Variants in PARG observed in about 807,000 individuals in gnomAD.
PARG encodes the protein mitochondrial poly(ADP-ribose) glycohydrolase.
Under a neutral mutation model 113.0 loss-of-function variants are expected in PARG, and 35 were observed. The ratio of observed to expected loss-of-function variants is 0.31; its 90% CI spans 0.24 to 0.41. PARG has a LOEUF of 0.41. Among genes scored for constraint, PARG ranks in the 10% least tolerant of loss-of-function variants. The pLI is 1.00. For missense variants in PARG, 797 were observed against 1,169.4 expected (o/e 0.68, Z 4.64); for synonymous variants, 330 against 409.9 (o/e 0.81, Z 2.36).
rs541348216 is a variant in PARG, at chr10:49,868,255, G to C, written c.2068+1221C>G. ...ACCCACCTTGGCCTCCCAAAGTGCT[G>C]GGATTACAGGCGTGAGCCACCGTGC... On this transcript the variant is annotated intron_variant, in intron 10 of 17. Coordinates refer to ENST00000616448, the MANE Select transcript of PARG (RefSeq NM_003631.5). 7.9e-5 allele frequency among the ~76,000 whole-genome samples: 12 copies of C among 152,290 alleles called. No individual in the cohort carries two copies. The South Asian group carries it at 2.5e-3, about 32-fold the overall frequency.
Position 49,832,941 on chromosome 10 carries a change from G to A in PARG, c.2542-33C>T, listed in dbSNP as rs568453398. 10 of 1,119,006 alleles carry A rather than the reference G, an allele frequency of 8.9e-6. No individual in the cohort carries two copies. The African/African-American group carries it at 1.4e-4, about 16-fold the overall frequency. 69.3% of individuals were successfully genotyped at this position (1,119,006 alleles called of 1,614,324 possible). A position where few individuals can be genotyped will look rare whatever the true frequency, so the allele number is the denominator to read the frequency against. On this transcript the variant is annotated intron_variant, in intron 15 of 17. Transcript: ENST00000616448. ...ATAAAAGAATTATCAAAGCCTGTGA[G>A]TGCCTAGACACTAACAGTGTTTCTG...
Position 49,933,475 on chromosome 10 carries a change from C to G in PARG, c.973G>C (p.Gly325Arg), listed in dbSNP as rs1838588687. ...DSEADEETSP[G>R]FDEQEDGSSS... Reference sequence around the variant, plus strand: ...CTACCATCTTCTTGTTCATCAAAACCTGGACTTGTCTCCTCATCTGCTTCT... The same window carrying G: ...CTACCATCTTCTTGTTCATCAAAACGTGGACTTGTCTCCTCATCTGCTTCT... The change falls in exon 3 of 18, where the codon GGT becomes CGT. Residue 325 changes from glycine to arginine, a missense_variant. By Grantham distance (125) the Gly-to-Arg change is moderately radical (BLOSUM62 -2). Coordinates refer to ENST00000616448, the MANE Select transcript of PARG (RefSeq NM_003631.5). 1.2e-6 allele frequency: 2 copies of G among 1,610,720 alleles called. No homozygotes were observed. The highest frequency in any genetic ancestry group is 3.3e-5 in the Admixed American group (2 of 59,986).
At chr10:49,832,317 C>T (rs6537553) in intron 16 of PARG, among the ~76,000 whole-genome samples, 14,390 of 152,278 alleles carry the variant, frequency 0.094, 1,133 homozygotes, top group East Asian at 0.32. Context: ...TGTACTGCAT[C>T]GGTCTCATAC....
At chr10:49,859,782 A>T (rs1378690373) in intron 12 of PARG, among the ~76,000 whole-genome samples, 3 of 152,238 alleles carry the variant, frequency 2.0e-5, no homozygotes, top group Non-Finnish European at 2.9e-5. Context: ...AAGACACTAA[A>T]CTCAGTATGC....
At chr10:49,926,809 T>C (rs1838189383) in intron 4 of PARG, among the ~76,000 whole-genome samples, 1 of 152,258 alleles carries the variant, frequency 6.6e-6, no homozygotes, top group South Asian at 2.1e-4. Context: ...TCTGCTTTCC[T>C]AGAATATATC....
intron 15 of PARG, among the ~76,000 whole-genome samples, chr10:49,841,327 C>A (rs1845227288): frequency 1.3e-5 from 2 of 152,148 alleles, no homozygotes; most frequent in South Asian, 4.1e-4. Context: ...AAGAAAATCT[C>A]TGCTGTTTTG....
intron 16 of PARG, among the ~76,000 whole-genome samples, chr10:49,827,508 C>A (rs1215489761): frequency 1.3e-5 from 2 of 152,154 alleles, no homozygotes; most frequent in African/African-American, 4.8e-5. Context: ...TTCCTCATCC[C>A]TCTTTTCCGC....
In PARG at chr10:49,869,485, T is replaced by C; in HGVS notation, c.2059A>G (p.Thr687Ala). 2 of 802,604 alleles carry C rather than the reference T, an allele frequency of 2.5e-6. No individual in the cohort carries two copies. The highest frequency in any genetic ancestry group is 1.5e-5 in the South Asian group (1 of 68,656). The allele number at this position is 802,604 out of a possible 1,614,324, so 49.7% of individuals were successfully genotyped here. The change falls in exon 10 of 18, where the codon ACA becomes GCA. Residue 687 changes from threonine to alanine, a missense_variant. Physicochemically the swap from Thr to Ala is moderately conservative, Grantham distance 58 (BLOSUM62 0). This residue lies in a region of PARG where 40 missense variants were observed against 124.5 expected (regional missense o/e 0.32). Transcript: ENST00000616448. ...KTLFCYFRRV[T>A]EKKPTGLVTF... is the part of the protein sequence containing the mutation. ...AATGAAAGGAATTTACTTTTCTCTG[T>C]GACTCTTCTAAAGTAGCAGAAGAGC...
At chr10:49,895,069 A>T (rs1365515147) in intron 7 of PARG, among the ~76,000 whole-genome samples, 2 of 152,096 alleles carry the variant, frequency 1.3e-5, no homozygotes, top group Non-Finnish European at 2.9e-5. Context: ...CCAGTCATTG[A>T]TTTAGGGTAC....
chr10:49,834,278 C>G (rs186943657), intron 15 of PARG, among the ~76,000 whole-genome samples: 1 of 152,110 alleles, frequency 6.6e-6, no homozygotes, highest in Non-Finnish European at 1.5e-5. Flanking sequence ...ATAACTTTGC[C>G]GCTTTGTTTC....
intron 15 of PARG, among the ~76,000 whole-genome samples, chr10:49,837,134 C>T (rs1404810481): frequency 6.6e-6 from 1 of 152,094 alleles, no homozygotes; most frequent in Non-Finnish European, 1.5e-5. Context: ...TAAAAACCAA[C>T]TCTACTTGCA....
At chr10:49,923,144 C>G (rs1554849782) in intron 4 of PARG, among the ~76,000 whole-genome samples, 1 of 152,098 alleles carries the variant, frequency 6.6e-6, no homozygotes, top group Non-Finnish European at 1.5e-5. Context: ...TATTTATATG[C>G]CTGTATACAT....
intron 13 of PARG, among the ~76,000 whole-genome samples, chr10:49,848,042 A>G (rs1410374927): frequency 1.3e-5 from 2 of 152,172 alleles, no homozygotes; most frequent in Non-Finnish European, 1.5e-5. Context: ...AGTTTCATAT[A>G]CATACACATA....
At chr10:49,890,869 A>C (rs544717991) in intron 7 of PARG, among the ~76,000 whole-genome samples, 1 of 152,250 alleles carries the variant, frequency 6.6e-6, no homozygotes, top group Non-Finnish European at 1.5e-5. Flanking sequence ...TAAGTACTAT[A>C]CCTGACATAT....
intron 4 of PARG, among the ~76,000 whole-genome samples, chr10:49,928,359 T>C (rs1838321917): frequency 6.6e-6 from 1 of 152,174 alleles, no homozygotes; most frequent in African/African-American, 2.4e-5. Flanking sequence ...GGTGATTTTA[T>C]AAGGATGTTC....
rs1838062546 is a variant in PARG, at chr10:49,924,673, G to A, written c.1456-2004C>T. Among the ~76,000 whole-genome samples the A allele has an allele frequency of 2.0e-5, 3 of 151,130 alleles. No homozygotes were observed. In the South Asian group the frequency reaches 6.3e-4, roughly 32 times the overall value. ...ACCTTCCTCCCTTTGAAATTTAGAT[G>A]TGACTGACCAGCATTAACATTAAAA... On this transcript the variant is annotated intron_variant, in intron 4 of 17. Transcript: ENST00000616448.
intron 10 of PARG, among the ~76,000 whole-genome samples, chr10:49,866,461 G>T (rs1846519657): frequency 6.6e-6 from 1 of 151,850 alleles, no homozygotes; most frequent in Admixed American, 6.6e-5. Flanking sequence ...ACGTCTTTTA[G>T]ATACCTAACT....
At chr10:49,832,154 C>T (rs781892013) in intron 16 of PARG, among the ~76,000 whole-genome samples, 3 of 152,162 alleles carry the variant, frequency 2.0e-5, no homozygotes, top group Non-Finnish European at 2.9e-5. Context: ...CTTTGTTGAT[C>T]GGATTTTGTG....
In PARG at chr10:49,821,110, G is replaced by A. The variant is rs370175448; in HGVS notation, c.2648-817C>T. Among the ~76,000 whole-genome samples the A allele has an allele frequency of 3.9e-5, 6 of 152,126 alleles. No homozygotes were observed. The South Asian group carries it at 8.3e-4, about 21-fold the overall frequency. ...CTCCACTGGCCACTGCAGAACTCCC[G>A]TTCTGCAGAGTTCCTGAAAACACTG... On this transcript the variant is annotated intron_variant, in intron 16 of 17. Transcript: ENST00000616448.
Sources: allele counts gnomAD v4.1 joint callset (sites outside exome capture counted in the v4.1 genomes callset), GRCh38; gene constraint gnomAD v4.1.1; regional missense constraint gnomAD v4.1.1; transcripts MANE v1.5; gene names NCBI Gene and HGNC (gene_info 2026-07-23, HGNC 2026-07-21).